Variants in TPRG1 observed in about 807,000 individuals in gnomAD.
TPRG1 encodes the protein tumor protein p63 regulated 1.
In TPRG1, 29 loss-of-function variants were observed where a neutral mutation model predicts 29.3. The ratio of observed to expected loss-of-function variants is 0.99; its 90% CI spans 0.74 to 1.35. The LOEUF (loss-of-function observed/expected upper bound fraction) is 1.35, where lower values mean the gene tolerates loss of function less well. Among genes scored for constraint, TPRG1 ranks in the 40% most tolerant of loss-of-function variants. TPRG1 has a pLI of 0.00. For synonymous variants in TPRG1, 130 were observed against 116.8 expected (o/e 1.11, Z -0.73); for missense variants, 327 against 335.0 (o/e 0.98, Z 0.19).
intron 1 of TPRG1, among the ~76,000 whole-genome samples, chr3:189,184,375 A>G (rs1730635613): frequency 6.6e-6 from 1 of 152,224 alleles, no homozygotes; most frequent in Admixed American, 6.5e-5. Context: ...TTATGTATCA[A>G]GTGTAAAAGG....
chr3:189,100,015 C>T (rs554095260), upstream of TPRG1: 9 of 152,356 alleles, frequency 5.9e-5, no homozygotes, highest in South Asian at 1.7e-3. Flanking sequence ...GGCTTGGCTA[C>T]GTTCCCTTTC....
At chr3:189,007,015 G>C (rs1173991551) in intron 3 of TPRG1, among the ~76,000 whole-genome samples, 1 of 151,984 alleles carries the variant, frequency 6.6e-6, no homozygotes, top group Non-Finnish European at 1.5e-5. Flanking sequence ...AACACCAAAA[G>C]CAATGGCAAC....
chr3:189,215,465 T>G (rs1735929057), intron 3 of TPRG1, 82 bp downstream of exon 3: 1 of 1,131,586 alleles, frequency 8.8e-7, no homozygotes, highest in African/African-American at 1.6e-5. Flanking sequence ...GAGATGGACC[T>G]GTGGTAGAAT....
intron 4 of TPRG1, among the ~76,000 whole-genome samples, chr3:189,054,211 G>A (rs1377759334): frequency 6.6e-6 from 1 of 152,070 alleles, no homozygotes; most frequent in Non-Finnish European, 1.5e-5. Flanking sequence ...GTCTCAAAGA[G>A]GAGAGAGTCC....
intron 4 of TPRG1, among the ~76,000 whole-genome samples, chr3:189,263,520 G>A (rs1713510555): frequency 6.6e-6 from 1 of 152,172 alleles, no homozygotes; most frequent in African/African-American, 2.4e-5. Context: ...TTTATCTGTT[G>A]CTTGTGCTGG....
At chr3:189,099,610 C>CT (rs771414807), upstream of TPRG1, among the ~76,000 whole-genome samples, 2 of 152,016 alleles carry the variant, frequency 1.3e-5, no homozygotes, top group East Asian at 1.9e-4. Context: ...ATTTCTAGCC[C>CT]TATACATGCT....
chr3:189,254,638 T>A (rs1257205786), intron 4 of TPRG1, among the ~76,000 whole-genome samples: 2 of 152,242 alleles, frequency 1.3e-5, no homozygotes, highest in Non-Finnish European at 2.9e-5. Context: ...CGATATTGAT[T>A]CTTCCTATCC....
intron 4 of TPRG1, among the ~76,000 whole-genome samples, chr3:189,050,199 C>T (rs555150016): frequency 8.6e-5 from 13 of 151,784 alleles, no homozygotes; most frequent in Admixed American, 2.6e-4. Flanking sequence ...CAAGATTAAC[C>T]GAGAAAAGAA....
intron 3 of TPRG1, among the ~76,000 whole-genome samples, chr3:189,007,970 C>T (rs1453872686): frequency 4.1e-5 from 6 of 148,004 alleles, no homozygotes; most frequent in African/African-American, 7.6e-5. Context: ...GCGGGTGCAG[C>T]GCACCAGCAT....
At chr3:189,276,876 CCTTT>C (rs924976341) in intron 4 of TPRG1, among the ~76,000 whole-genome samples, 2 of 151,994 alleles carry the variant, frequency 1.3e-5, no homozygotes, top group African/African-American at 2.4e-5. Context: ...ATTTCTTCCT[CCTTT>C]CTTTTTTTTT....
intron 3 of TPRG1, among the ~76,000 whole-genome samples, chr3:189,233,031 TG>T (rs1560584822): frequency 1.4e-5 from 2 of 138,722 alleles, no homozygotes; most frequent in Non-Finnish European, 3.1e-5. Context: ...CCTCCTGGGT[TG>T]CTGATTCCTT....
chr3:189,034,812 T>G (rs991248240), intron 4 of TPRG1, among the ~76,000 whole-genome samples: 1 of 152,098 alleles, frequency 6.6e-6, no homozygotes, highest in Non-Finnish European at 1.5e-5. Flanking sequence ...GGAAAAACAT[T>G]CCATGCTCAT....
intron 4 of TPRG1, among the ~76,000 whole-genome samples, chr3:189,087,007 T>A (rs1196182170): frequency 1.3e-5 from 2 of 152,230 alleles, no homozygotes; most frequent in Non-Finnish European, 2.9e-5. Flanking sequence ...TTTATAATCC[T>A]TTGGGTATAT....
intron 4 of TPRG1, among the ~76,000 whole-genome samples, chr3:189,262,285 G>A (rs575998261): frequency 1.0e-4 from 15 of 148,056 alleles, no homozygotes; most frequent in Admixed American, 2.7e-4. Flanking sequence ...TGAAGTATAC[G>A]TCTTTGAAAT....
intron 5 of TPRG1, among the ~76,000 whole-genome samples, chr3:189,315,868 T>C (rs757504070): frequency 6.6e-6 from 1 of 152,074 alleles, no homozygotes; most frequent in African/African-American, 2.4e-5. Context: ...CAAATTATAA[T>C]TTAAAGTACT....
chr3:189,281,068 T>G (rs1055679360), intron 4 of TPRG1, among the ~76,000 whole-genome samples: 2 of 152,192 alleles, frequency 1.3e-5, no homozygotes, highest in African/African-American at 4.8e-5. Flanking sequence ...GTTATAGGAC[T>G]TGCCATCAAC....
At chr3:189,277,437 A>C (rs1716354681) in intron 4 of TPRG1, among the ~76,000 whole-genome samples, 1 of 152,228 alleles carries the variant, frequency 6.6e-6, no homozygotes, top group Non-Finnish European at 1.5e-5. Flanking sequence ...GAAAAAATGC[A>C]GTCAATAAGA....
intron 4 of TPRG1, among the ~76,000 whole-genome samples, chr3:189,062,700 A>G (rs1191527908): frequency 6.6e-6 from 1 of 151,224 alleles, no homozygotes; most frequent in East Asian, 1.9e-4. Context: ...GATAAGCCAT[A>G]TAATAAGCCA....
upstream of TPRG1, among the ~76,000 whole-genome samples, chr3:189,169,165 C>CTAT (rs530214317): frequency 5.0e-4 from 76 of 152,102 alleles, no homozygotes; most frequent in East Asian, 0.014. Flanking sequence ...TTTGTAAAAG[C>CTAT]TATTATTATT....
Sources: gnomAD v4.1 joint callset for allele counts (sites outside exome capture counted in the v4.1 genomes callset) on GRCh38, gnomAD v4.1.1 for gene constraint, MANE v1.5 for transcripts, NCBI Gene and HGNC (gene_info 2026-07-23, HGNC 2026-07-21) for gene names.